Variants in WRAP73 observed in about 807,000 individuals in gnomAD.
WRAP73 encodes the protein WD repeat-containing protein WRAP73.
In WRAP73, 55 loss-of-function variants were observed where a neutral mutation model predicts 59.6. The observed-to-expected ratio is 0.92, with a 90% confidence interval of 0.74 to 1.15. The LOEUF (loss-of-function observed/expected upper bound fraction) is 1.15. WRAP73 is among the 50% of genes most tolerant of loss of function. The pLI is 0.00. For synonymous variants in WRAP73, 265 were observed against 258.2 expected (o/e 1.03, Z -0.25); for missense variants, 592 against 608.1 (o/e 0.97, Z 0.28).
At chr1:3,643,418 G>A (rs958608959) in intron 3 of WRAP73, among the ~76,000 whole-genome samples, 3 of 152,258 alleles carry the variant, frequency 2.0e-5, no homozygotes, top group Admixed American at 1.3e-4. Flanking sequence ...AGGCCTAGGG[G>A]TGAGCCGCTT....
chr1:3,637,796 T>C (rs1644602281), intron 4 of WRAP73, among the ~76,000 whole-genome samples: 1 of 152,224 alleles, frequency 6.6e-6, no homozygotes, highest in South Asian at 2.1e-4. Flanking sequence ...ATCGTGTCAC[T>C]GCACTCCAGC....
intron 4 of WRAP73, 40 bp downstream of exon 4, chr1:3,638,710 C>A (rs1200163040): frequency 1.2e-6 from 2 of 1,611,772 alleles, no homozygotes; most frequent in Admixed American, 3.3e-5. Context: ...AGTCAAACAG[C>A]TGCAAAGAAA....
At chr1:3,649,064 C>T (rs1163907195) in intron 1 of WRAP73, among the ~76,000 whole-genome samples, 1 of 152,200 alleles carries the variant, frequency 6.6e-6, no homozygotes, top group Non-Finnish European at 1.5e-5. Flanking sequence ...ACGAAGCCCA[C>T]TTTTTACGAG....
Position 3,646,917 on chromosome 1 carries a change from G to A in WRAP73, c.223-135C>T, listed in dbSNP as rs1644697466. ...AAACTCATCAGCAGTCTATAGCGAGGCCTCGCCGAGAGACAACTCCCTTAA... is the reference window on the plus strand; with the variant it reads ...AAACTCATCAGCAGTCTATAGCGAGACCTCGCCGAGAGACAACTCCCTTAA... On this transcript the variant is annotated intron_variant, in intron 2 of 11. Transcript: ENST00000270708. The surrounding 1 kb of genome is among the most constrained non-coding windows in gnomAD (Gnocchi z 5.1). 2 of 666,812 alleles carry A rather than the reference G, an allele frequency of 3.0e-6. No homozygotes were observed. Among genetic ancestry groups the A allele is most frequent in the South Asian group, 1.8e-5 (1 of 54,178 alleles). 41.3% of individuals were successfully genotyped at this position (666,812 alleles called of 1,614,324 possible).
chr1:3,636,105 G>A, intron 5 of WRAP73, 75 bp from the exon 6 acceptor site: 4 of 1,088,230 alleles, frequency 3.7e-6, no homozygotes, highest in South Asian at 2.6e-5. Context: ...TATGACTGAT[G>A]TTCTTAACGC....
chr1:3,647,178 T>C (rs571193146), intron 2 of WRAP73: 8 of 505,928 alleles, frequency 1.6e-5, no homozygotes, highest in African/African-American at 1.2e-4. Context: ...CGTGGCTAGA[T>C]TGCTGTCAAC....
At chr1:3,640,180 C>T (rs893290152) in intron 3 of WRAP73, among the ~76,000 whole-genome samples, 24 of 152,200 alleles carry the variant, frequency 1.6e-4, no homozygotes, top group African/African-American at 5.8e-4. Flanking sequence ...ATGCTGAACC[C>T]GAAACACACT....
chr1:3,632,602 G>A, intron 9 of WRAP73: 1 of 502,296 alleles, frequency 2.0e-6, no homozygotes, highest in African/African-American at 1.9e-5. Context: ...GCCAGGGGCT[G>A]ACTGGAGAGG....
At chr1:3,635,468 G>T in intron 6 of WRAP73, 174 bp from the exon 7 acceptor site, 1 of 810,482 alleles carries the variant, frequency 1.2e-6, no homozygotes, top group Non-Finnish European at 1.9e-6. Flanking sequence ...TCACGGAGAG[G>T]CAGTGAGAGC....
rs767853446 is a variant in WRAP73 at position 3,631,095 on chromosome 1, CAGAG to C, written c.1259_1262del (p.Ser420CysfsTer5). On this transcript the variant is annotated frameshift_variant, in exon 12 of 12. Transcript: ENST00000270708. LOFTEE classifies it low-confidence loss of function (END_TRUNC). ...TCGAGTCTCCGCTTAAATGCCAGCA[CAGAG>C]AGAGCACTGCAAAGTCGCCTAGAGA... 2.5e-6 allele frequency: 4 copies of C among 1,613,242 alleles called. No homozygotes were observed. Among genetic ancestry groups the C allele is most frequent in the Non-Finnish European group, 3.4e-6 (4 of 1,180,022 alleles).
chr1:3,638,140 A>C (rs1256621010), intron 4 of WRAP73, among the ~76,000 whole-genome samples: 1 of 152,262 alleles, frequency 6.6e-6, no homozygotes, highest in Admixed American at 6.5e-5. Flanking sequence ...TGTATGTTTC[A>C]TTCCGCAAAA....
At position 3,646,852 on chromosome 1, in the gene WRAP73, G is replaced by C; in HGVS notation, c.223-70C>G. The stretch of plus-strand genomic sequence containing the variant: ...CACCGAGAGACAGCGAGGACAGCTC[G>C]CTTAAACGCAGCGGAGACCCGACCG... On this transcript the variant is annotated intron_variant, in intron 2 of 11. Coordinates refer to ENST00000270708, the MANE Select transcript of WRAP73 (RefSeq NM_017818.4). The surrounding 1 kb of genome is among the most constrained non-coding windows in gnomAD (Gnocchi z 5.1). The C allele has an allele frequency of 7.1e-7, 1 of 1,405,246 alleles. No individual in the cohort carries two copies. Among genetic ancestry groups the C allele is most frequent in the Non-Finnish European group, 9.9e-7 (1 of 1,006,998 alleles). 87.0% of individuals were successfully genotyped at this position (1,405,246 alleles called of 1,614,324 possible).
At position 3,638,843 on chromosome 1, in the gene WRAP73, G is replaced by A; in HGVS notation, c.340-21C>T. ...CGCAGCTGTTGGGGGAAAGGGGAAA[G>A]AGAAAGGAAACACTTCTTTAGCATC... On this transcript the variant is annotated intron_variant, in intron 3 of 11. Transcript: ENST00000270708. 3 of 1,613,524 alleles carry A rather than the reference G, an allele frequency of 1.9e-6. No homozygotes were observed. In the South Asian group the frequency reaches 3.3e-5, roughly 18 times the overall value.
At position 3,638,808 on chromosome 1, in the gene WRAP73, G is replaced by A. The variant is rs758708062; in HGVS notation, c.354C>T (p.Val118=). The change falls in exon 4 of 12, where the codon GTC becomes GTT. Residue 118 remains valine (V), a synonymous_variant. Transcript: ENST00000270708. ...NTTEFHLRIT[V]WSLCTKSVSY... is the part of the protein sequence containing the mutation. Reference sequence around the variant, plus strand: ...ACACGGATTTTGTGCACAAGGACCAGACGGTTATCCGCAGCTGTTGGGGGA... The same window carrying A: ...ACACGGATTTTGTGCACAAGGACCAAACGGTTATCCGCAGCTGTTGGGGGA... The A allele has an allele frequency of 1.2e-6, 2 of 1,614,008 alleles. No individual in the cohort carries two copies. The highest frequency in any genetic ancestry group is 2.2e-5 in the East Asian group (1 of 44,888).
At chr1:3,645,684 G>A (rs1378027530) in intron 3 of WRAP73, among the ~76,000 whole-genome samples, 1 of 152,220 alleles carries the variant, frequency 6.6e-6, no homozygotes, top group African/African-American at 2.4e-5. Context: ...ATCTTAAAAA[G>A]ACACTGCGGA....
intron 3 of WRAP73, 123 bp from the exon 4 acceptor site, chr1:3,638,945 G>T: frequency 1.0e-6 from 1 of 966,764 alleles, no homozygotes. Flanking sequence ...GATCTATCAG[G>T]ACCTGGGGGA....
chr1:3,642,738 A>C (rs1432548996), intron 3 of WRAP73, among the ~76,000 whole-genome samples: 32 of 37,698 alleles, frequency 8.5e-4, no homozygotes, highest in Non-Finnish European at 1.3e-4. Flanking sequence ...ACTCCATCTC[A>C]AAAAAAAAAA....
chr1:3,631,056 G>C lies in WRAP73; in HGVS notation c.1302C>G (p.Ser434Arg), dbSNP rs767861751. 6.2e-7 allele frequency: 1 copy of C among 1,613,276 alleles called. No homozygotes were observed. Among genetic ancestry groups the C allele is most frequent in the Non-Finnish European group, 8.5e-7 (1 of 1,180,024 alleles). ...GGAAGCAGAGGCAGAAGTGATCCTT[G>C]CTGAGGAGGGCCATCGAGTCTCCGC... ...HLSGDSMALL[S>R]KDHFCLCFLE... The change falls in exon 12 of 12, where the codon AGC becomes AGG. Residue 434 changes from serine (S) to arginine (R), a missense_variant. Ser to Arg is a moderately radical substitution (Grantham distance 110, BLOSUM62 -1). Coordinates refer to ENST00000270708, the MANE Select transcript of WRAP73 (RefSeq NM_017818.4).
rs962887148 is a variant in WRAP73, at chr1:3,646,155, C to T, written c.339+511G>A. ...CTCGGGAGCCACCTCAGTCATCAGA[C>T]CCAGGGCAGCAGACAGTGCCTGTGT... is the stretch of plus-strand genomic sequence containing the variant. On this transcript the variant is annotated intron_variant, in intron 3 of 11. Coordinates refer to ENST00000270708, the MANE Select transcript of WRAP73 (RefSeq NM_017818.4). This position sits in a 1 kb window ranked among gnomAD's most constrained non-coding sequence, Gnocchi z 5.1. Among the ~76,000 whole-genome samples, 5 of 152,228 alleles carry T rather than the reference C, an allele frequency of 3.3e-5. No homozygotes were observed. Among genetic ancestry groups the T allele is most frequent in the Non-Finnish European group, 5.9e-5 (4 of 68,038 alleles).
Sources: allele counts gnomAD v4.1 joint callset (sites outside exome capture counted in the v4.1 genomes callset), GRCh38; gene constraint gnomAD v4.1.1; non-coding constraint Gnocchi (gnomAD v3.1); transcripts MANE v1.5; gene names NCBI Gene and HGNC (gene_info 2026-07-23, HGNC 2026-07-21).